The following TNKS variants were observed in gnomAD, a reference collection of about 807,000 sequenced individuals.
The protein encoded by TNKS is poly [ADP-ribose] polymerase tankyrase-1.
A neutral mutation model predicts 135.8 loss-of-function variants in TNKS; 72 were observed. That is an observed-to-expected ratio of 0.53 (90% confidence interval 0.44 to 0.64). The LOEUF is 0.64. Ranked by LOEUF, TNKS falls within the 30% of genes least tolerant of loss-of-function variation. TNKS has a pLI of 0.00. For missense variants in TNKS, 1,769 were observed against 1,674.0 expected, an observed-to-expected ratio of 1.06 and a Z score of -0.99; for synonymous variants, 849 against 649.3, an observed-to-expected ratio of 1.31 and a Z score of -4.68.
chr8:9,667,088 T>C (rs2128790858), intron 3 of TNKS, among the ~76,000 whole-genome samples: 1 of 152,292 alleles, frequency 6.6e-6, no homozygotes, highest in South Asian at 2.1e-4. Context: ...ATGAGGGTAG[T>C]TGATAAATTT....
intron 3 of TNKS, among the ~76,000 whole-genome samples, chr8:9,636,800 C>G (rs182546344): frequency 6.6e-6 from 1 of 152,290 alleles, no homozygotes; most frequent in East Asian, 1.9e-4. Context: ...CAGATGAGTA[C>G]TAACTAGTTC....
intron 3 of TNKS, among the ~76,000 whole-genome samples, chr8:9,669,863 T>C (rs749003137): frequency 6.6e-6 from 1 of 152,138 alleles, no homozygotes; most frequent in Non-Finnish European, 1.5e-5. Flanking sequence ...AAAGAAAATA[T>C]TATCCAAGGA....
intron 18 of TNKS, among the ~76,000 whole-genome samples, chr8:9,749,175 T>C (rs996484999): frequency 2.0e-5 from 3 of 152,358 alleles, no homozygotes; most frequent in Middle Eastern, 3.4e-3. Context: ...TTCCACCTTC[T>C]TTGAAAGGAG....
intron 1 of TNKS, among the ~76,000 whole-genome samples, chr8:9,570,293 G>T (rs946894832): frequency 6.6e-6 from 1 of 152,114 alleles, no homozygotes; most frequent in Non-Finnish European, 1.5e-5. Flanking sequence ...AATTTAAAAA[G>T]CTAGCCAGAT....
At chr8:9,644,738 G>T (rs1487737023) in intron 3 of TNKS, among the ~76,000 whole-genome samples, 1 of 152,124 alleles carries the variant, frequency 6.6e-6, no homozygotes, top group African/African-American at 2.4e-5. Flanking sequence ...ATTATATACA[G>T]ACAGTCCTCG....
chr8:9,622,352 G>C (rs1336210273), intron 3 of TNKS, among the ~76,000 whole-genome samples: 2 of 152,212 alleles, frequency 1.3e-5, no homozygotes, highest in African/African-American at 4.8e-5. Flanking sequence ...ATAAAATACA[G>C]TGACAATAAT....
intron 2 of TNKS, among the ~76,000 whole-genome samples, chr8:9,596,017 C>T (rs932127403): frequency 2.0e-5 from 3 of 152,110 alleles, no homozygotes; most frequent in African/African-American, 7.2e-5. Flanking sequence ...AAGGCTGAGG[C>T]AGAAGGATCA....
In TNKS at chr8:9,780,441, T is replaced by C. The variant is rs1808409692; in HGVS notation, c.*3705T>C. On this transcript the variant is annotated 3_prime_UTR_variant, in exon 27 of 27. Coordinates refer to ENST00000310430, the MANE Select transcript of TNKS (RefSeq NM_003747.3). ...GATAGGATTTCATGTCAGATACGTA[T>C]TTAAAGAGTAAAGTCAAATTTGTTT... The C allele has an allele frequency of 3.3e-5, 5 of 152,198 alleles. No homozygotes were observed. The highest frequency in any genetic ancestry group is 3.3e-4 in the Admixed American group (5 of 15,284). The allele number at this position is 152,198 out of a possible 1,614,324, so 9.4% of individuals were successfully genotyped here.
chr8:9,557,199 A>G (rs1815356076), intron 1 of TNKS: 1 of 153,088 alleles, frequency 6.5e-6, no homozygotes, highest in Non-Finnish European at 1.5e-5. Context: ...TTATATGATG[A>G]TGGAAGAAAT....
chr8:9,724,132 C>A (rs1475510026), intron 12 of TNKS, among the ~76,000 whole-genome samples: 1 of 152,176 alleles, frequency 6.6e-6, no homozygotes, highest in Non-Finnish European at 1.5e-5. Context: ...CATCTTTAAT[C>A]TTTGATTCTA....
intron 2 of TNKS, among the ~76,000 whole-genome samples, chr8:9,593,889 A>G (rs1798677569): frequency 6.6e-6 from 1 of 150,756 alleles, no homozygotes; most frequent in Admixed American, 6.6e-5. Flanking sequence ...TATTATTATT[A>G]TTATTATTAT....
chr8:9,659,849 TAAA>T (rs1038636631), intron 3 of TNKS, among the ~76,000 whole-genome samples: 31 of 151,720 alleles, frequency 2.0e-4, no homozygotes, highest in African/African-American at 5.8e-4. Flanking sequence ...GCGAGACTAA[TAAA>T]GAAGAAAAGA....
intron 4 of TNKS, among the ~76,000 whole-genome samples, chr8:9,680,427 C>A (rs964302713): frequency 6.6e-6 from 1 of 151,954 alleles, no homozygotes; most frequent in Non-Finnish European, 1.5e-5. Context: ...TTAACTCCAA[C>A]GTTTTAGTCT....
At chr8:9,677,144 T>G (rs1001637275) in intron 3 of TNKS, among the ~76,000 whole-genome samples, 7 of 152,216 alleles carry the variant, frequency 4.6e-5, no homozygotes, top group African/African-American at 1.4e-4. Context: ...TTCAGCTGTT[T>G]ATGGATTGTG....
At chr8:9,593,255 C>T (rs1275523771) in intron 2 of TNKS, among the ~76,000 whole-genome samples, 1 of 152,148 alleles carries the variant, frequency 6.6e-6, no homozygotes, top group Non-Finnish European at 1.5e-5. Flanking sequence ...ATATTTGTGT[C>T]CTGTGTGTGA....
At chr8:9,561,184 T>C (rs1007744331) in intron 1 of TNKS, among the ~76,000 whole-genome samples, 6 of 152,248 alleles carry the variant, frequency 3.9e-5, no homozygotes, top group Admixed American at 6.5e-5. Context: ...TCTCCAAATA[T>C]GCTAATTTGC....
At chr8:9,680,022 G>A (rs748288527) in intron 4 of TNKS, 35 bp downstream of exon 4, 2 of 1,549,074 alleles carry the variant, frequency 1.3e-6, no homozygotes, top group East Asian at 2.2e-5. Flanking sequence ...TGTATATAAT[G>A]CATTAAGGAA....
chr8:9,678,470 A>G (rs938280991), intron 3 of TNKS, among the ~76,000 whole-genome samples: 1 of 152,250 alleles, frequency 6.6e-6, no homozygotes, highest in Non-Finnish European at 1.5e-5. Context: ...CTCTATGACC[A>G]TGAAATCATA....
At chr8:9,679,357 G>T (rs1802674856) in intron 3 of TNKS, among the ~76,000 whole-genome samples, 1 of 152,158 alleles carries the variant, frequency 6.6e-6, no homozygotes, top group Admixed American at 6.5e-5. Context: ...AGAGGTTCAT[G>T]GCATTTGGTA....
Sources: allele counts gnomAD v4.1 joint callset (sites outside exome capture counted in the v4.1 genomes callset), GRCh38; gene constraint gnomAD v4.1.1; transcripts MANE v1.5; gene names NCBI Gene and HGNC (gene_info 2026-07-23, HGNC 2026-07-21).